SSR1: variants seen among roughly 807,000 people sequenced by gnomAD.
SSR1 encodes signal sequence receptor subunit 1, also known as translocon-associated protein subunit alpha.
SSR1 carries 13 observed loss-of-function variants against 36.1 expected under a neutral mutation model. That is an observed-to-expected ratio of 0.36 (90% CI 0.23 to 0.57). SSR1 has a LOEUF of 0.57. Among genes scored for constraint, SSR1 ranks in the 20% least tolerant of loss-of-function variants. The pLI is 0.81. For missense variants in SSR1, 291 were observed against 338.5 expected (o/e 0.86, Z 1.10); for synonymous variants, 113 against 118.9 (o/e 0.95, Z 0.32).
At chr6:7,312,582 A>G (rs1466996124) in intron 1 of SSR1, among the ~76,000 whole-genome samples, 2 of 152,156 alleles carry the variant, frequency 1.3e-5, no homozygotes, top group South Asian at 2.1e-4. Flanking sequence ...ATGAAGACGG[A>G]CTCCCGGCGT....
intron 1 of SSR1, among the ~76,000 whole-genome samples, chr6:7,312,531 G>A (rs533838914): frequency 2.2e-4 from 34 of 152,324 alleles, no homozygotes; most frequent in African/African-American, 7.7e-4. Flanking sequence ...AAGACACTCT[G>A]ATGGCTTAGA....
rs374505444 is a variant in SSR1 at position 7,286,022 on chromosome 6, C to T, written c.*3842G>A. On this transcript the variant is annotated 3_prime_UTR_variant, in exon 8 of 8. Transcript: ENST00000244763. The stretch of plus-strand genomic sequence containing the variant: ...TGAACTTTCCATATTCAATATGGAA[C>T]CTTGAGCAAGCTACTTAAATTCAGG... The T allele has an allele frequency of 3.3e-5, 5 of 152,090 alleles. No homozygotes were observed. The highest frequency in any genetic ancestry group is 9.7e-5 in the African/African-American group (4 of 41,410). 9.4% of individuals were successfully genotyped at this position (152,090 alleles called of 1,614,324 possible).
chr6:7,297,084 G>A (rs1757813082), intron 6 of SSR1: 2 of 316,710 alleles, frequency 6.3e-6, no homozygotes, highest in African/African-American at 2.3e-5. Flanking sequence ...AGCTGGGTGT[G>A]GTGGCGTGCA....
chr6:7,290,066 T>C (rs925904755), intron 7 of SSR1, 135 bp from the exon 8 acceptor site: 3 of 605,716 alleles, frequency 5.0e-6, no homozygotes, highest in African/African-American at 3.9e-5. Flanking sequence ...TAATAATGAA[T>C]GCCTCCTATC....
intron 2 of SSR1, among the ~76,000 whole-genome samples, chr6:7,309,395 G>A (rs778027389): frequency 7.2e-5 from 11 of 152,238 alleles, no homozygotes; most frequent in Non-Finnish European, 1.5e-4. Context: ...CCAGGAGTTC[G>A]AGGCTGCAGT....
At chr6:7,309,614 C>T (rs1456134031) in intron 2 of SSR1, among the ~76,000 whole-genome samples, 1 of 152,202 alleles carries the variant, frequency 6.6e-6, no homozygotes, top group Non-Finnish European at 1.5e-5. Context: ...GGGACGGTTA[C>T]CTCCATGCTG....
At chr6:7,306,515 CCT>C (rs1758057308) in intron 2 of SSR1, among the ~76,000 whole-genome samples, 1 of 152,002 alleles carries the variant, frequency 6.6e-6, no homozygotes, top group Admixed American at 6.5e-5. Context: ...AAAACAAAAA[CCT>C]CTCTCATTTC....
At chr6:7,310,552 C>A (rs747948581) in intron 1 of SSR1, among the ~76,000 whole-genome samples, 1 of 152,118 alleles carries the variant, frequency 6.6e-6, no homozygotes, top group Non-Finnish European at 1.5e-5. Context: ...AGATAAGAAA[C>A]TTCTAAATGT....
At chr6:7,301,625 A>G (rs1379232309) in intron 3 of SSR1, 53 bp from the exon 4 acceptor site, 3 of 1,533,922 alleles carry the variant, frequency 2.0e-6, no homozygotes, top group African/African-American at 1.4e-5. Context: ...AGAGCACAAA[A>G]TATTTAAAAA....
intron 2 of SSR1, among the ~76,000 whole-genome samples, chr6:7,308,149 T>C (rs1163832234): frequency 6.6e-6 from 1 of 152,210 alleles, no homozygotes; most frequent in Non-Finnish European, 1.5e-5. Context: ...GGTATGTGTA[T>C]ACATACATAT....
In SSR1 at chr6:7,313,170, CTCCGGCGGT is replaced by C; in HGVS notation, c.-59_-51del. 6.5e-7 allele frequency: 1 copy of C among 1,532,140 alleles called. No homozygotes were observed. Among genetic ancestry groups the C allele is most frequent in the Non-Finnish European group, 8.8e-7 (1 of 1,130,738 alleles). The allele number at this position is 1,532,140 out of a possible 1,614,324, so 94.9% of individuals were successfully genotyped here. A position where few individuals can be genotyped will look rare whatever the true frequency, so the allele number is the denominator to read the frequency against. On this transcript the variant is annotated 5_prime_UTR_variant, in exon 1 of 8. Transcript: ENST00000244763. ...TTCCGTCGGCTAAGGCTCTCGGCGG[CTCCGGCGGT>C]AATGGCGTTACTCTTCATCCGGGCT...
intron 7 of SSR1, 146 bp from the exon 8 acceptor site, chr6:7,290,077 T>C: frequency 3.5e-6 from 2 of 567,312 alleles, no homozygotes; most frequent in Non-Finnish European, 5.9e-6. Context: ...GCCTCCTATC[T>C]AGCTCTAGGT....
chr6:7,303,064 AG>A (rs1226715485), intron 3 of SSR1, among the ~76,000 whole-genome samples: 1 of 132,038 alleles, frequency 7.6e-6, no homozygotes, highest in Non-Finnish European at 1.6e-5. Context: ...TGAAACCGGG[AG>A]GCCTCGGAGG....
chr6:7,307,560 G>A, intron 2 of SSR1, among the ~76,000 whole-genome samples: 1 of 151,988 alleles, frequency 6.6e-6, no homozygotes, highest in Admixed American at 6.6e-5. Flanking sequence ...ATTTTTTTTA[G>A]AGACAGGGTC....
chr6:7,287,242 C>G lies in SSR1; in HGVS notation c.*2622G>C, dbSNP rs1174522914. ...TGTTACATTACCACCATTTACTTCTCCCCAGCACAGCCATGATACAGTTCT... is the reference window on the plus strand; with the variant it reads ...TGTTACATTACCACCATTTACTTCTGCCCAGCACAGCCATGATACAGTTCT... On this transcript the variant is annotated 3_prime_UTR_variant, in exon 8 of 8. Transcript: ENST00000244763. The G allele has an allele frequency of 1.3e-5, 2 of 152,172 alleles. No homozygotes were observed. The highest frequency in any genetic ancestry group is 4.8e-5 in the African/African-American group (2 of 41,444). The allele number at this position is 152,172 out of a possible 1,614,324, so 9.4% of individuals were successfully genotyped here. A position where few individuals can be genotyped will look rare whatever the true frequency, so the allele number is the denominator to read the frequency against.
At chr6:7,293,935 T>C (rs981103300) in intron 7 of SSR1, among the ~76,000 whole-genome samples, 1 of 152,208 alleles carries the variant, frequency 6.6e-6, no homozygotes, top group African/African-American at 2.4e-5. Flanking sequence ...TACCGACAGA[T>C]TAAATAGGCA....
chr6:7,302,689 G>A lies in SSR1; in HGVS notation c.280+861C>T, dbSNP rs377267761. Among the ~76,000 whole-genome samples the A allele has an allele frequency of 1.1e-4, 16 of 150,842 alleles. No homozygotes were observed. The East Asian group carries it at 3.1e-3, about 30-fold the overall frequency. On this transcript the variant is annotated intron_variant, in intron 3 of 7. Coordinates refer to ENST00000244763, the MANE Select transcript of SSR1 (RefSeq NM_003144.5). ...AGTCAGGAGAATCACTTGAACCTGG[G>A]AGGCAGAGGTTGCAGTGAGCCGAGA... is the stretch of plus-strand genomic sequence containing the variant.
intron 5 of SSR1, 39 bp downstream of exon 5, chr6:7,298,708 G>C (rs191637771): frequency 6.7e-7 from 1 of 1,490,856 alleles, no homozygotes; most frequent in Admixed American, 1.7e-5. Flanking sequence ...CTTACTTTAC[G>C]AGCAAAATCA....
chr6:7,292,523 C>T (rs1443137536), intron 7 of SSR1, among the ~76,000 whole-genome samples: 1 of 151,764 alleles, frequency 6.6e-6, no homozygotes, highest in Non-Finnish European at 1.5e-5. Flanking sequence ...TGCAGTCCTC[C>T]ACAAAGTGAT....
Sources: gnomAD v4.1 joint callset for allele counts (sites outside exome capture counted in the v4.1 genomes callset) on GRCh38, gnomAD v4.1.1 for gene constraint, MANE v1.5 for transcripts, NCBI Gene and HGNC (gene_info 2026-07-23, HGNC 2026-07-21) for gene names.